The following CTNNA3 variants were observed in gnomAD, a reference collection of about 807,000 sequenced individuals.
CTNNA3 encodes catenin alpha-3.
CTNNA3 carries 76 observed loss-of-function variants against 95.7 expected under a neutral mutation model. The ratio of observed to expected loss-of-function variants is 0.79; its 90% confidence interval spans 0.66 to 0.96. The LOEUF is 0.96. Ranked by LOEUF, CTNNA3 falls within the 40% of genes least tolerant of loss-of-function variation. CTNNA3 has a pLI of 0.00. For synonymous variants in CTNNA3, 431 were observed against 374.4 expected (o/e 1.15, Z -1.74); for missense variants, 1,191 against 1,089.8 (o/e 1.09, Z -1.31).
chr10:67,272,742 T>C lies in CTNNA3; in HGVS notation c.580-52872A>G, dbSNP rs181925386. Among the ~76,000 whole-genome samples the C allele has an allele frequency of 2.4e-4, 36 of 152,300 alleles. 1 individual carries two copies. Among genetic ancestry groups the C allele is most frequent in the African/African-American group, 8.7e-4 (36 of 41,582 alleles). ...TGCACTAAAGCATCTTGATAATTAC[T>C]TGTTAAAGTTCCTGGCCTCAAATAA... On this transcript the variant is annotated intron_variant, in intron 5 of 17. Transcript: ENST00000433211.
intron 3 of CTNNA3, among the ~76,000 whole-genome samples, chr10:67,572,449 C>T (rs539518205): frequency 2.3e-4 from 35 of 152,254 alleles, no homozygotes; most frequent in African/African-American, 8.2e-4. Flanking sequence ...CGAAGCATAA[C>T]TTCCAGGCCT....
At chr10:65,956,182 G>A (rs935075186) in intron 17 of CTNNA3, among the ~76,000 whole-genome samples, 1 of 152,142 alleles carries the variant, frequency 6.6e-6, no homozygotes, top group East Asian at 1.9e-4. Flanking sequence ...GTGTAGAGGT[G>A]TTTATAGTAT....
chr10:65,945,217 G>A (rs969292103), intron 17 of CTNNA3, among the ~76,000 whole-genome samples: 1 of 151,890 alleles, frequency 6.6e-6, no homozygotes, highest in Admixed American at 6.6e-5. Context: ...GTTACCAAGA[G>A]TTCAAAGGCT....
chr10:67,232,837 CA>C (rs914787362), intron 5 of CTNNA3, among the ~76,000 whole-genome samples: 1 of 150,922 alleles, frequency 6.6e-6, no homozygotes, highest in Non-Finnish European at 1.5e-5. Context: ...AAATGGAAAA[CA>C]AAAAAAGGCA....
At chr10:67,349,637 T>C (rs76447221) in intron 5 of CTNNA3, among the ~76,000 whole-genome samples, 2,078 of 152,280 alleles carry the variant, frequency 0.014, 51 homozygotes, top group African/African-American at 0.047. Context: ...TGTACAACAT[T>C]GTACCTATAG....
intron 8 of CTNNA3, among the ~76,000 whole-genome samples, chr10:66,774,077 T>G (rs1840199492): frequency 6.6e-6 from 1 of 152,206 alleles, no homozygotes; most frequent in Non-Finnish European, 1.5e-5. Context: ...TTCTTGACTT[T>G]ATTTAGAAAA....
intron 7 of CTNNA3, among the ~76,000 whole-genome samples, chr10:66,857,456 T>C (rs1843727449): frequency 1.3e-5 from 2 of 151,922 alleles, no homozygotes; most frequent in Non-Finnish European, 2.9e-5. Flanking sequence ...ATGTTTTTGG[T>C]AGTTTGATAG....
intron 15 of CTNNA3, among the ~76,000 whole-genome samples, chr10:65,998,600 G>A (rs1373178626): frequency 6.6e-6 from 1 of 152,138 alleles, no homozygotes; most frequent in African/African-American, 2.4e-5. Context: ...AAGAGGGATA[G>A]TGAGGAGGGG....
At chr10:67,366,991 CT>C in intron 5 of CTNNA3, among the ~76,000 whole-genome samples, 1 of 152,124 alleles carries the variant, frequency 6.6e-6, no homozygotes, top group African/African-American at 2.4e-5. Flanking sequence ...TAAAAATATT[CT>C]AGAAGAAAAG....
At chr10:66,709,805 T>A (rs1848233589) in intron 9 of CTNNA3, among the ~76,000 whole-genome samples, 1 of 152,050 alleles carries the variant, frequency 6.6e-6, no homozygotes, top group Non-Finnish European at 1.5e-5. Context: ...GAGGTGTGAA[T>A]ATGTACAATA....
chr10:66,500,456 A>G (rs541586921), intron 11 of CTNNA3, among the ~76,000 whole-genome samples: 40 of 152,270 alleles, frequency 2.6e-4, no homozygotes, highest in African/African-American at 9.4e-4. Context: ...GTGGTTGAAA[A>G]CACCTTACAG....
intron 11 of CTNNA3, among the ~76,000 whole-genome samples, chr10:66,394,550 T>TAAAA (rs71035137): frequency 7.8e-6 from 1 of 128,158 alleles, no homozygotes; most frequent in African/African-American, 2.9e-5. Flanking sequence ...AGCACTGGGT[T>TAAAA]AAAAAAAAAA....
At chr10:66,141,829 A>G (rs572884056) in intron 13 of CTNNA3, among the ~76,000 whole-genome samples, 1 of 152,310 alleles carries the variant, frequency 6.6e-6, no homozygotes, top group South Asian at 2.1e-4. Context: ...GAATTCAAGC[A>G]TTGCCAACAA....
chr10:67,507,961 G>C (rs1839480093), intron 5 of CTNNA3, among the ~76,000 whole-genome samples: 1 of 152,174 alleles, frequency 6.6e-6, no homozygotes, highest in African/African-American at 2.4e-5. Flanking sequence ...ATGCTTTCAT[G>C]ATAAAAACCT....
At chr10:67,495,804 T>C (rs1839005657) in intron 5 of CTNNA3, among the ~76,000 whole-genome samples, 1 of 152,196 alleles carries the variant, frequency 6.6e-6, no homozygotes, top group South Asian at 2.1e-4. Context: ...TCCCATTATA[T>C]GGGAATTATA....
intron 1 of CTNNA3, among the ~76,000 whole-genome samples, chr10:67,663,489 A>G (rs992913077): frequency 6.6e-6 from 1 of 152,026 alleles, no homozygotes; most frequent in Non-Finnish European, 1.5e-5. Flanking sequence ...GCTGAGCCTC[A>G]GGTGGGTCTC....
intron 2 of CTNNA3, among the ~76,000 whole-genome samples, chr10:67,626,386 TG>T (rs1838956248): frequency 6.6e-6 from 1 of 152,188 alleles, no homozygotes; most frequent in African/African-American, 2.4e-5. Context: ...TGTACCTCTT[TG>T]GAGATGTCTT....
At chr10:66,692,126 G>A (rs1258616878) in intron 9 of CTNNA3, among the ~76,000 whole-genome samples, 17 of 152,292 alleles carry the variant, frequency 1.1e-4, no homozygotes, top group African/African-American at 2.9e-4. Flanking sequence ...TGACTTTGAC[G>A]AGTTGAGAGA....
chr10:66,400,659 T>C (rs1296902383), intron 11 of CTNNA3, among the ~76,000 whole-genome samples: 2 of 152,160 alleles, frequency 1.3e-5, no homozygotes, highest in Non-Finnish European at 2.9e-5. Context: ...GCTTTATCCC[T>C]CTCTTCCCTG....
Sources: allele counts gnomAD v4.1 joint callset (sites outside exome capture counted in the v4.1 genomes callset), GRCh38; gene constraint gnomAD v4.1.1; transcripts MANE v1.5; gene names NCBI Gene and HGNC (gene_info 2026-07-23, HGNC 2026-07-21).